Variants in SPACA7 observed in about 807,000 individuals in gnomAD.
SPACA7 encodes the protein sperm acrosome-associated protein 7.
Under a neutral mutation model 26.3 loss-of-function variants are expected in SPACA7, and 19 were observed. The ratio of observed to expected loss-of-function variants is 0.72; its 90% confidence interval spans 0.50 to 1.06. The LOEUF is 1.06. Ranked by LOEUF, SPACA7 falls within the 50% of genes least tolerant of loss-of-function variation. The pLI is 0.00. For synonymous variants in SPACA7, 84 were observed against 84.5 expected (o/e 0.99, Z 0.04); for missense variants, 211 against 229.9 (o/e 0.92, Z 0.53).
At chr13:112,425,479 A>T (rs1876448932) in intron 5 of SPACA7, among the ~76,000 whole-genome samples, 1 of 152,224 alleles carries the variant, frequency 6.6e-6, no homozygotes, top group African/African-American at 2.4e-5. Context: ...CTCTGCTCCC[A>T]GTTTTCAGGC....
Position 112,432,451 on chromosome 13 carries a change from T to C in SPACA7, c.453T>C (p.Asn151=). 1 of 1,607,878 alleles carries C rather than the reference T, an allele frequency of 6.2e-7. No homozygotes were observed. Among genetic ancestry groups the C allele is most frequent in the Non-Finnish European group, 8.5e-7 (1 of 1,174,304 alleles). Residue 151 remains asparagine, a synonymous_variant, in exon 6 of 7, where the codon AAT becomes AAC. Coordinates refer to ENST00000283550, the MANE Select transcript of SPACA7 (RefSeq NM_145248.5). The part of the protein sequence containing the change: ...SEKSVSSKEK[N]SKNTQYENLS... The stretch of plus-strand genomic sequence containing the variant: ...TTATTGTTTTCCCCACAGAAAAGAA[T>C]TCAAAGAACACTCAGTATGAAAATC...
At chr13:112,420,728 C>G (rs1057206290) in intron 5 of SPACA7, among the ~76,000 whole-genome samples, 13 of 151,682 alleles carry the variant, frequency 8.6e-5, no homozygotes, top group African/African-American at 3.1e-4. Context: ...CAGAGAACAC[C>G]AAGCAGGATA....
At chr13:112,412,270 C>T (rs1476494203) in intron 5 of SPACA7, among the ~76,000 whole-genome samples, 1 of 152,074 alleles carries the variant, frequency 6.6e-6, no homozygotes, top group Admixed American at 6.6e-5. Context: ...ATCTTTTGCC[C>T]ATTTTTAAAT....
chr13:112,403,670 C>T (rs569473555), intron 5 of SPACA7, among the ~76,000 whole-genome samples: 27 of 152,270 alleles, frequency 1.8e-4, no homozygotes, highest in Admixed American at 5.2e-4. Context: ...TGAGAACATA[C>T]GATGTTTGGT....
At chr13:112,428,981 A>C (rs1876806397) in intron 5 of SPACA7, among the ~76,000 whole-genome samples, 1 of 152,074 alleles carries the variant, frequency 6.6e-6, no homozygotes, top group Non-Finnish European at 1.5e-5. Context: ...TGTGTTCATT[A>C]CTCCTTTTAG....
intron 5 of SPACA7, among the ~76,000 whole-genome samples, chr13:112,425,337 TG>T (rs1876431912): frequency 6.6e-6 from 1 of 152,152 alleles, no homozygotes; most frequent in Non-Finnish European, 1.5e-5. Context: ...ATAAATTGTC[TG>T]AAACAGAAAA....
intron 3 of SPACA7, 22 bp from the exon 4 acceptor site, chr13:112,399,044 T>G: frequency 6.7e-7 from 1 of 1,492,490 alleles, no homozygotes; most frequent in Non-Finnish European, 9.3e-7. Flanking sequence ...TTCCCCATTT[T>G]TTTCCATGTT....
chr13:112,394,821 G>T (rs938131420), intron 2 of SPACA7, among the ~76,000 whole-genome samples: 1 of 152,184 alleles, frequency 6.6e-6, no homozygotes, highest in Non-Finnish European at 1.5e-5. Context: ...AGAAACAGTG[G>T]CCTCAGAAAA....
At chr13:112,393,564 G>C (rs926243935) in intron 2 of SPACA7, among the ~76,000 whole-genome samples, 9 of 152,130 alleles carry the variant, frequency 5.9e-5, no homozygotes, top group Non-Finnish European at 1.3e-4. Flanking sequence ...CTCACCCCGG[G>C]GATGCAGGCC....
At position 112,416,017 on chromosome 13, in the gene SPACA7, C is replaced by G. The variant is rs563667153; in HGVS notation, c.445+14853C>G. On this transcript the variant is annotated intron_variant, in intron 5 of 6. Transcript: ENST00000283550. Reference sequence around the variant, plus strand: ...CACTTCCCTCCCTCTCTGAAGCACACAGATTCTCTCTCTGCACTGTGCTGC... The same window carrying G: ...CACTTCCCTCCCTCTCTGAAGCACAGAGATTCTCTCTCTGCACTGTGCTGC... Among the ~76,000 whole-genome samples the G allele has an allele frequency of 9.2e-5, 14 of 152,128 alleles. No individual in the cohort carries two copies. The South Asian group carries it at 2.7e-3, about 29-fold the overall frequency.
intron 5 of SPACA7, among the ~76,000 whole-genome samples, chr13:112,413,657 T>G (rs1031923029): frequency 1.3e-5 from 2 of 152,228 alleles, no homozygotes; most frequent in Non-Finnish European, 2.9e-5. Context: ...CTGTAATTAC[T>G]TCTTTGAATA....
At chr13:112,425,722 G>C (rs2139063611) in intron 5 of SPACA7, among the ~76,000 whole-genome samples, 1 of 152,210 alleles carries the variant, frequency 6.6e-6, no homozygotes, top group Admixed American at 6.5e-5. Context: ...ATTTTTTTGT[G>C]CCCTGGTTGA....
intron 5 of SPACA7, among the ~76,000 whole-genome samples, chr13:112,424,074 G>A (rs775281325): frequency 4.6e-5 from 7 of 152,206 alleles, no homozygotes; most frequent in Non-Finnish European, 8.8e-5. Context: ...GAAGCAAGAT[G>A]CAGGAGGCAG....
chr13:112,394,029 T>G (rs936174081), intron 2 of SPACA7, among the ~76,000 whole-genome samples: 3 of 152,094 alleles, frequency 2.0e-5, no homozygotes, highest in African/African-American at 7.2e-5. Context: ...GTAATAATAT[T>G]TTATTTCACG....
intron 1 of SPACA7, among the ~76,000 whole-genome samples, chr13:112,389,712 G>T (rs1341395392): frequency 1.3e-5 from 2 of 152,192 alleles, no homozygotes; most frequent in African/African-American, 4.8e-5. Flanking sequence ...TGAAAACAGT[G>T]ATTGTATGGC....
chr13:112,399,472 T>C (rs1038190404), intron 4 of SPACA7, among the ~76,000 whole-genome samples: 2 of 152,092 alleles, frequency 1.3e-5, no homozygotes, highest in Admixed American at 1.3e-4. Flanking sequence ...CCACAATGCC[T>C]GGCCCCCTCT....
intron 5 of SPACA7, among the ~76,000 whole-genome samples, chr13:112,417,599 C>A (rs1294788751): frequency 6.6e-6 from 1 of 152,060 alleles, no homozygotes; most frequent in Non-Finnish European, 1.5e-5. Context: ...TGTCTTTTCT[C>A]TTTCCCAGGT....
At chr13:112,425,971 A>G (rs1323647935) in intron 5 of SPACA7, among the ~76,000 whole-genome samples, 7 of 152,230 alleles carry the variant, frequency 4.6e-5, no homozygotes, top group Admixed American at 1.3e-4. Context: ...ATGCAGGCAC[A>G]TGTCACTGTG....
chr13:112,382,285 C>T (rs1239717762), intron 1 of SPACA7: 4 of 681,694 alleles, frequency 5.9e-6, no homozygotes, highest in South Asian at 2.2e-5. Context: ...CAGAGTCTCA[C>T]TCTGTTGCCA....
Sources: allele counts gnomAD v4.1 joint callset (sites outside exome capture counted in the v4.1 genomes callset), GRCh38; gene constraint gnomAD v4.1.1; transcripts MANE v1.5; gene names NCBI Gene and HGNC (gene_info 2026-07-23, HGNC 2026-07-21).